The following PIP4K2A variants were observed in gnomAD, a reference collection of about 807,000 sequenced individuals.
PIP4K2A encodes phosphatidylinositol 5-phosphate 4-kinase type-2 alpha.
A neutral mutation model predicts 42.9 loss-of-function variants in PIP4K2A; 14 were observed. The ratio of observed to expected loss-of-function variants is 0.33; its 90% CI spans 0.22 to 0.51. The LOEUF is 0.51. Among genes scored for constraint, PIP4K2A ranks in the 20% least tolerant of loss-of-function variants. The pLI is 0.97. For synonymous variants in PIP4K2A, 192 were observed against 192.2 expected (o/e 1.00, Z 0.01); for missense variants, 434 against 519.8 (o/e 0.83, Z 1.61).
intron 7 of PIP4K2A, among the ~76,000 whole-genome samples, chr10:22,546,829 C>T (rs1172821182): frequency 6.6e-6 from 1 of 152,186 alleles, no homozygotes; most frequent in Non-Finnish European, 1.5e-5. Flanking sequence ...GGGGCGTGGG[C>T]TTCACTGCGG....
intron 4 of PIP4K2A, among the ~76,000 whole-genome samples, chr10:22,584,558 T>C (rs565819925): frequency 6.6e-6 from 1 of 152,274 alleles, no homozygotes; most frequent in East Asian, 1.9e-4. Flanking sequence ...GAAGAAGTAC[T>C]GCAGGAAAAG....
At chr10:22,561,679 A>G (rs905643247) in intron 6 of PIP4K2A, among the ~76,000 whole-genome samples, 2 of 150,170 alleles carry the variant, frequency 1.3e-5, no homozygotes, top group African/African-American at 4.9e-5. Context: ...GAGTTCAAGC[A>G]ATCCTCCCAT....
chr10:22,578,401 T>C lies in PIP4K2A; in HGVS notation c.493-4944A>G, dbSNP rs549437638. 3.3e-5 allele frequency among the ~76,000 whole-genome samples: 5 copies of C among 152,334 alleles called. No homozygotes were observed. In the South Asian group the frequency reaches 1.0e-3, roughly 32 times the overall value. ...TCAATGACCTTTGAGTGGTTAAATTTGACAGATGCTTCTCCGCCTTTCTCT... is the reference window on the plus strand; with the variant it reads ...TCAATGACCTTTGAGTGGTTAAATTCGACAGATGCTTCTCCGCCTTTCTCT... On this transcript the variant is annotated intron_variant, in intron 4 of 9. Coordinates refer to ENST00000376573, the MANE Select transcript of PIP4K2A (RefSeq NM_005028.5).
At chr10:22,606,789 A>G (rs1837916319) in intron 3 of PIP4K2A, among the ~76,000 whole-genome samples, 1 of 152,208 alleles carries the variant, frequency 6.6e-6, no homozygotes, top group South Asian at 2.1e-4. Context: ...ACTAGATTTG[A>G]AGGGACTTAA....
intron 7 of PIP4K2A, among the ~76,000 whole-genome samples, chr10:22,543,647 C>T (rs529815214): frequency 1.4e-4 from 21 of 152,330 alleles, no homozygotes; most frequent in Middle Eastern, 3.4e-3. Flanking sequence ...TCAGAGACTG[C>T]GCATCCTCCC....
At chr10:22,621,526 C>T (rs574804562) in intron 1 of PIP4K2A, among the ~76,000 whole-genome samples, 1 of 152,266 alleles carries the variant, frequency 6.6e-6, no homozygotes, top group African/African-American at 2.4e-5. Context: ...GCAAAGCTTC[C>T]AGAAGGTGCT....
At chr10:22,636,915 A>G (rs1276502067) in intron 1 of PIP4K2A, among the ~76,000 whole-genome samples, 2 of 152,218 alleles carry the variant, frequency 1.3e-5, no homozygotes, top group African/African-American at 4.8e-5. Flanking sequence ...TGGTTACAAC[A>G]GCCCCAGATC....
At chr10:22,639,264 C>T (rs1186256930) in intron 1 of PIP4K2A, among the ~76,000 whole-genome samples, 1 of 151,808 alleles carries the variant, frequency 6.6e-6, no homozygotes, top group Non-Finnish European at 1.5e-5. Flanking sequence ...GCATGTTTAT[C>T]ATGCACGTAA....
At chr10:22,539,377 T>TC (rs1286550774) in intron 9 of PIP4K2A, 1 of 152,568 alleles carries the variant, frequency 6.6e-6, no homozygotes, top group Non-Finnish European at 1.5e-5. Context: ...CAGTGAAAAC[T>TC]CCCATCAAGC....
At chr10:22,615,332 T>G (rs79976043) in intron 1 of PIP4K2A, among the ~76,000 whole-genome samples, 3,315 of 152,314 alleles carry the variant, frequency 0.022, 121 homozygotes, top group African/African-American at 0.074. Context: ...CAACAGATCC[T>G]CTTGCCTCAG....
At chr10:22,712,002 A>G (rs186250712) in intron 1 of PIP4K2A, among the ~76,000 whole-genome samples, 83 of 152,354 alleles carry the variant, frequency 5.4e-4, no homozygotes, top group Admixed American at 4.8e-3. Flanking sequence ...GAGGTGTTTT[A>G]GCAATTCTTC....
At chr10:22,606,251 C>T (rs759144960) in intron 3 of PIP4K2A, among the ~76,000 whole-genome samples, 2 of 152,108 alleles carry the variant, frequency 1.3e-5, no homozygotes, top group Non-Finnish European at 2.9e-5. Context: ...TTTGAGGCTG[C>T]AGTGAGCTAT....
intron 1 of PIP4K2A, among the ~76,000 whole-genome samples, chr10:22,652,210 T>G (rs1043045814): frequency 6.6e-6 from 1 of 151,906 alleles, no homozygotes; most frequent in African/African-American, 2.4e-5. Flanking sequence ...CTCTGCCTCC[T>G]AGGTTCAAGC....
chr10:22,640,045 G>A (rs1346150200), intron 1 of PIP4K2A, among the ~76,000 whole-genome samples: 21 of 114,140 alleles, frequency 1.8e-4, no homozygotes, highest in African/African-American at 2.7e-4. Flanking sequence ...TTTTTTTTAA[G>A]GAAAAAGAAA....
chr10:22,536,323 T>C lies in PIP4K2A; in HGVS notation c.*878A>G. ...AAGCTTTACTTTTATTTTGTAGCAT[T>C]AATTCCTATATTGCAACGTAAGGGT... On this transcript the variant is annotated 3_prime_UTR_variant, in exon 10 of 10. Transcript: ENST00000376573. 2.6e-6 allele frequency: 1 copy of C among 386,738 alleles called. No homozygotes were observed. The allele number at this position is 386,738 out of a possible 1,614,324, so 24.0% of individuals were successfully genotyped here. A position where few individuals can be genotyped will look rare whatever the true frequency, so the allele number is the denominator to read the frequency against.
At chr10:22,643,213 C>T (rs1027337479) in intron 1 of PIP4K2A, among the ~76,000 whole-genome samples, 1 of 152,134 alleles carries the variant, frequency 6.6e-6, no homozygotes, top group Non-Finnish European at 1.5e-5. Flanking sequence ...ATTACTAACT[C>T]CCTTGTCTAC....
chr10:22,610,776 G>C (rs564305231), intron 1 of PIP4K2A, among the ~76,000 whole-genome samples: 25 of 152,254 alleles, frequency 1.6e-4, no homozygotes, highest in East Asian at 7.7e-4. Flanking sequence ...CTCAACAAAG[G>C]CTTCAACGTT....
At chr10:22,580,705 T>A (rs1169226872) in intron 4 of PIP4K2A, among the ~76,000 whole-genome samples, 2 of 152,202 alleles carry the variant, frequency 1.3e-5, no homozygotes, top group Non-Finnish European at 2.9e-5. Context: ...ACTTCCAGAT[T>A]ACAAGAATGC....
intron 7 of PIP4K2A, among the ~76,000 whole-genome samples, chr10:22,547,657 C>A (rs751499968): frequency 2.0e-5 from 3 of 152,194 alleles, no homozygotes; most frequent in Non-Finnish European, 4.4e-5. Flanking sequence ...AGGGGGTACT[C>A]CTGGATGCCA....
Sources: allele counts gnomAD v4.1 joint callset (sites outside exome capture counted in the v4.1 genomes callset), GRCh38; gene constraint gnomAD v4.1.1; transcripts MANE v1.5; gene names NCBI Gene and HGNC (gene_info 2026-07-23, HGNC 2026-07-21).